The following GALM variants were observed in gnomAD, a reference collection of about 807,000 sequenced individuals.
The protein encoded by GALM is galactose mutarotase, also known as aldose 1-epimerase.
GALM carries 43 observed loss-of-function variants against 37.4 expected under a neutral mutation model. The ratio of observed to expected loss-of-function variants is 1.15; its 90% CI spans 0.90 to 1.48. The LOEUF (loss-of-function observed/expected upper bound fraction) is 1.48, where lower values mean the gene tolerates loss of function less well. Ranked by LOEUF, GALM falls within the 40% of genes most tolerant of loss-of-function variation. GALM has a pLI of 0.00. For synonymous variants in GALM, 199 were observed against 170.6 expected (o/e 1.17, Z -1.30); for missense variants, 456 against 419.1 (o/e 1.09, Z -0.77).
intron 1 of GALM, among the ~76,000 whole-genome samples, chr2:38,673,742 G>A (rs1031243027): frequency 2.7e-5 from 4 of 150,872 alleles, no homozygotes; most frequent in Non-Finnish European, 4.4e-5. Context: ...CCTGGGAGGC[G>A]GAGCTTACAG....
chr2:38,684,304 T>C (rs1665472141), intron 3 of GALM, among the ~76,000 whole-genome samples: 1 of 152,106 alleles, frequency 6.6e-6, no homozygotes, highest in Admixed American at 6.6e-5. Context: ...TTGCAGGTCG[T>C]TTTTTGTTTT....
chr2:38,681,224 T>C (rs1284264951), intron 2 of GALM, 56 bp from the exon 3 acceptor site: 1 of 1,256,582 alleles, frequency 8.0e-7, no homozygotes. Context: ...TATTGAAATA[T>C]GGCATTTAGC....
chr2:38,667,210 G>C (rs527874424), intron 1 of GALM, among the ~76,000 whole-genome samples: 40 of 152,274 alleles, frequency 2.6e-4, no homozygotes, highest in African/African-American at 9.4e-4. Flanking sequence ...AGCTGGCAAA[G>C]GGAAACTGAG....
At chr2:38,681,144 T>G (rs899390643) in intron 2 of GALM, 136 bp from the exon 3 acceptor site, 2 of 723,504 alleles carry the variant, frequency 2.8e-6, no homozygotes, top group Non-Finnish European at 4.8e-6. Flanking sequence ...AAAAAAAAAA[T>G]CCAGGCTATC....
chr2:38,718,019 A>G lies in GALM; in HGVS notation c.635-11537A>G, dbSNP rs1036868497. Reference sequence around the variant, plus strand: ...TTGGCTAATATTTTCTGTTTTTTGCAGAGACGGGGATCCTGCTATGTTGCC... The same window carrying G: ...TTGGCTAATATTTTCTGTTTTTTGCGGAGACGGGGATCCTGCTATGTTGCC... On this transcript the variant is annotated intron_variant, in intron 4 of 6. Coordinates refer to ENST00000272252, the MANE Select transcript of GALM (RefSeq NM_138801.3). Among the ~76,000 whole-genome samples, 15 of 150,136 alleles carry G rather than the reference A, an allele frequency of 1.0e-4. 1 individual carries two copies. Among genetic ancestry groups the G allele is most frequent in the South Asian group, 4.4e-4 (2 of 4,588 alleles).
intron 3 of GALM, among the ~76,000 whole-genome samples, chr2:38,688,470 C>T (rs1665594810): frequency 6.6e-6 from 1 of 151,652 alleles, no homozygotes; most frequent in Non-Finnish European, 1.5e-5. Flanking sequence ...GAGATCGCGC[C>T]ATTGCATTCC....
intron 3 of GALM, among the ~76,000 whole-genome samples, chr2:38,684,854 G>A (rs921169910): frequency 5.9e-5 from 9 of 151,992 alleles, no homozygotes; most frequent in Non-Finnish European, 1.0e-4. Context: ...AAACTTTACC[G>A]AAAGAGTTAT....
chr2:38,702,148 G>A (rs189095463), intron 4 of GALM, among the ~76,000 whole-genome samples: 1 of 151,736 alleles, frequency 6.6e-6, no homozygotes, highest in Admixed American at 6.6e-5. Context: ...ATGAATGAAT[G>A]ATTCATAATC....
intron 2 of GALM, among the ~76,000 whole-genome samples, chr2:38,680,854 G>C (rs1458531743): frequency 6.6e-6 from 1 of 152,176 alleles, no homozygotes; most frequent in African/African-American, 2.4e-5. Context: ...AAAATCCAGG[G>C]ACCAGGTGCG....
chr2:38,730,507 C>T (rs1287273413), intron 5 of GALM, among the ~76,000 whole-genome samples: 1 of 152,086 alleles, frequency 6.6e-6, no homozygotes, highest in Non-Finnish European at 1.5e-5. Context: ...CCTTGTAATC[C>T]ACCCACCTCG....
chr2:38,718,196 C>T (rs969189915), intron 4 of GALM, among the ~76,000 whole-genome samples: 7 of 131,284 alleles, frequency 5.3e-5, no homozygotes, highest in African/African-American at 1.4e-4. Flanking sequence ...TTTTTCTTTT[C>T]TTTTTTTTTT....
At chr2:38,704,011 G>A (rs72795179) in intron 4 of GALM, among the ~76,000 whole-genome samples, 53,146 of 150,908 alleles carry the variant, frequency 0.35, 11,392 homozygotes, top group Non-Finnish European at 0.46. Context: ...GAGAAACGCT[G>A]TCTCAAAAAA....
intron 3 of GALM, among the ~76,000 whole-genome samples, chr2:38,689,378 AGAGGGGGGTGCCAGGTGCACCCCCAG>A (rs1294675500): frequency 6.6e-6 from 1 of 152,178 alleles, no homozygotes; most frequent in East Asian, 1.9e-4. Flanking sequence ...AAACTGGGCT[AGAGGGGGGTGCCAGGTGCACCCCCAG>A]GAGTGAGCCT....
chr2:38,718,862 T>C (rs1176784790), intron 4 of GALM, among the ~76,000 whole-genome samples: 1 of 151,888 alleles, frequency 6.6e-6, no homozygotes, highest in Non-Finnish European at 1.5e-5. Context: ...AAAAAATGAC[T>C]TCAGATCATG....
intron 4 of GALM, among the ~76,000 whole-genome samples, chr2:38,727,853 G>C (rs1375641540): frequency 6.6e-6 from 1 of 151,996 alleles, no homozygotes; most frequent in Non-Finnish European, 1.5e-5. Context: ...ACTGGCAATT[G>C]GTTCTTCTTT....
At chr2:38,706,075 G>C (rs1200335107) in intron 4 of GALM, among the ~76,000 whole-genome samples, 1 of 151,728 alleles carries the variant, frequency 6.6e-6, no homozygotes, top group Non-Finnish European at 1.5e-5. Flanking sequence ...ACACGATTTT[G>C]GCTCACTGCA....
chr2:38,726,162 A>C (rs1235328450), intron 4 of GALM, among the ~76,000 whole-genome samples: 1 of 152,140 alleles, frequency 6.6e-6, no homozygotes, highest in Non-Finnish European at 1.5e-5. Flanking sequence ...GATGTAAAGC[A>C]ACCTCTTTCT....
intron 1 of GALM, among the ~76,000 whole-genome samples, chr2:38,669,895 C>CTT (rs35676843): frequency 7.6e-4 from 103 of 135,188 alleles, no homozygotes; most frequent in African/African-American, 2.5e-3. Context: ...AAAAGTTTTT[C>CTT]TTTTTTTTTT....
intron 2 of GALM, chr2:38,680,181 G>A (rs1454504856): frequency 1.8e-5 from 6 of 333,636 alleles, no homozygotes; most frequent in South Asian, 6.1e-5. Flanking sequence ...ACCATACCTC[G>A]CTAATTTTTT....
Sources: gnomAD v4.1 joint callset for allele counts (sites outside exome capture counted in the v4.1 genomes callset) on GRCh38, gnomAD v4.1.1 for gene constraint, MANE v1.5 for transcripts, NCBI Gene and HGNC (gene_info 2026-07-23, HGNC 2026-07-21) for gene names.